Variants in EPHA7 observed in about 807,000 individuals in gnomAD.
EPHA7 encodes the protein EPH receptor A7.
EPHA7 carries 25 observed loss-of-function variants against 112.6 expected under a neutral mutation model. The observed-to-expected ratio is 0.22, with a 90% CI of 0.16 to 0.31. EPHA7 has a LOEUF of 0.31. EPHA7 is among the 10% of genes least tolerant of loss of function. The pLI is 1.00. For missense variants in EPHA7, 962 were observed against 1,212.6 expected (o/e 0.79, Z 3.07); for synonymous variants, 437 against 406.5 (o/e 1.07, Z -0.90).
intron 15 of EPHA7, among the ~76,000 whole-genome samples, chr6:93,246,447 G>T (rs1426042494): frequency 6.6e-6 from 1 of 151,922 alleles, no homozygotes; most frequent in East Asian, 1.9e-4. Flanking sequence ...AAAAAACAAG[G>T]ACAACAGTAA....
intron 5 of EPHA7, among the ~76,000 whole-genome samples, chr6:93,332,576 T>C (rs181690637): frequency 6.6e-6 from 1 of 151,708 alleles, no homozygotes; most frequent in East Asian, 1.9e-4. Context: ...TATATGTGCA[T>C]GACAAAAGTA....
At chr6:93,389,644 C>G (rs955336394) in intron 3 of EPHA7, among the ~76,000 whole-genome samples, 1 of 151,778 alleles carries the variant, frequency 6.6e-6, no homozygotes, top group South Asian at 2.1e-4. Context: ...ATAGAACAAA[C>G]GTTGGAATAA....
rs1161593936 is a variant in EPHA7 at position 93,242,068 on chromosome 6, T to C, written c.*1358A>G. 2.0e-5 allele frequency: 4 copies of C among 201,430 alleles called. No individual in the cohort carries two copies. The highest frequency in any genetic ancestry group is 4.6e-5 in the African/African-American group (2 of 43,644). The allele number at this position is 201,430 out of a possible 1,614,324, so 12.5% of individuals were successfully genotyped here. ...TTGAAAGCATTAATCACAATATGTA[T>C]ACATTCCTGCAATATCTATAAAGAC... On this transcript the variant is annotated 3_prime_UTR_variant, in exon 17 of 17. Transcript: ENST00000369303.
At chr6:93,341,599 T>A (rs976288531) in intron 5 of EPHA7, among the ~76,000 whole-genome samples, 1 of 151,888 alleles carries the variant, frequency 6.6e-6, no homozygotes, top group Non-Finnish European at 1.5e-5. Context: ...ATGTTTCTAA[T>A]TTTATCTAAC....
intron 5 of EPHA7, among the ~76,000 whole-genome samples, chr6:93,352,051 T>C (rs928759223): frequency 6.6e-6 from 1 of 152,140 alleles, no homozygotes; most frequent in African/African-American, 2.4e-5. Context: ...TCTTGTATAA[T>C]GATTTAATTT....
intron 5 of EPHA7, among the ~76,000 whole-genome samples, chr6:93,320,519 C>A (rs1774016301): frequency 6.6e-6 from 1 of 151,842 alleles, no homozygotes; most frequent in Non-Finnish European, 1.5e-5. Context: ...GGGAGAAAAA[C>A]AATTCCCTTT....
chr6:93,307,673 G>A (rs1235218650), intron 5 of EPHA7, among the ~76,000 whole-genome samples: 2 of 151,926 alleles, frequency 1.3e-5, no homozygotes, highest in Non-Finnish European at 2.9e-5. Context: ...AGTAGACAGT[G>A]GAAAAAATAA....
chr6:93,406,968 T>C (rs938446311), intron 3 of EPHA7, among the ~76,000 whole-genome samples: 2 of 150,538 alleles, frequency 1.3e-5, no homozygotes, highest in Non-Finnish European at 2.9e-5. Context: ...AAAATGACAA[T>C]AAAAGTATAC....
chr6:93,411,289 CA>C, intron 2 of EPHA7, 119 bp from the exon 3 acceptor site: 1 of 755,636 alleles, frequency 1.3e-6, no homozygotes. Flanking sequence ...CCTATGCTGG[CA>C]AAACTATAAA....
At chr6:93,382,276 C>T (rs1337128059) in intron 3 of EPHA7, among the ~76,000 whole-genome samples, 1 of 152,068 alleles carries the variant, frequency 6.6e-6, no homozygotes, top group Non-Finnish European at 1.5e-5. Context: ...GAAACTGTTC[C>T]TCCTCAGATC....
At chr6:93,394,144 T>A (rs753410402) in intron 3 of EPHA7, among the ~76,000 whole-genome samples, 4 of 151,862 alleles carry the variant, frequency 2.6e-5, no homozygotes, top group Non-Finnish European at 5.9e-5. Context: ...ACAACCACCA[T>A]TACAACTACT....
intron 5 of EPHA7, among the ~76,000 whole-genome samples, chr6:93,296,854 G>T (rs1019777309): frequency 8.6e-5 from 13 of 151,698 alleles, no homozygotes; most frequent in African/African-American, 3.1e-4. Context: ...TATCACATTG[G>T]CAACTTCATA....
At chr6:93,339,723 G>A (rs890052520) in intron 5 of EPHA7, among the ~76,000 whole-genome samples, 5 of 151,684 alleles carry the variant, frequency 3.3e-5, no homozygotes, top group South Asian at 2.1e-4. Flanking sequence ...CACTGGGCTC[G>A]ATATATTTAT....
intron 3 of EPHA7, among the ~76,000 whole-genome samples, chr6:93,389,258 T>C (rs539516723): frequency 6.6e-6 from 1 of 152,216 alleles, no homozygotes; most frequent in East Asian, 1.9e-4. Context: ...TTTTTATGCA[T>C]ATTTATTGTC....
At chr6:93,384,546 TC>T (rs1043796724) in intron 3 of EPHA7, among the ~76,000 whole-genome samples, 3 of 152,192 alleles carry the variant, frequency 2.0e-5, no homozygotes, top group African/African-American at 7.2e-5. Context: ...ATAATCCTTC[TC>T]ACTCAAGCCC....
chr6:93,270,168 C>T (rs1771143610), intron 6 of EPHA7, among the ~76,000 whole-genome samples: 1 of 151,522 alleles, frequency 6.6e-6, no homozygotes, highest in African/African-American at 2.4e-5. Context: ...CTGAATTTCT[C>T]ACAGAATAAA....
At chr6:93,290,773 T>G (rs1252582152) in intron 5 of EPHA7, among the ~76,000 whole-genome samples, 1 of 152,170 alleles carries the variant, frequency 6.6e-6, no homozygotes, top group Non-Finnish European at 1.5e-5. Context: ...GACTTCTCAC[T>G]AAACATAACA....
chr6:93,262,287 T>A (rs193197826), intron 9 of EPHA7, among the ~76,000 whole-genome samples: 1 of 151,608 alleles, frequency 6.6e-6, no homozygotes, highest in Non-Finnish European at 1.5e-5. Flanking sequence ...AAACTACCTA[T>A]GGTTCTCTCT....
chr6:93,284,319 TA>T (rs989763029), intron 5 of EPHA7, among the ~76,000 whole-genome samples: 32 of 145,174 alleles, frequency 2.2e-4, no homozygotes, highest in African/African-American at 7.3e-4. Context: ...TTTGCTCATT[TA>T]TTTTTTTTTT....
Sources: allele counts gnomAD v4.1 joint callset (sites outside exome capture counted in the v4.1 genomes callset), GRCh38; gene constraint gnomAD v4.1.1; transcripts MANE v1.5; gene names NCBI Gene and HGNC (gene_info 2026-07-23, HGNC 2026-07-21).